CDH4: variants seen among roughly 807,000 people sequenced by gnomAD.
The protein encoded by CDH4 is cadherin 4, also known as cadherin-4.
Under a neutral mutation model 86.0 loss-of-function variants are expected in CDH4, and 33 were observed. The ratio of observed to expected loss-of-function variants is 0.38; its 90% CI spans 0.29 to 0.51. The LOEUF (loss-of-function observed/expected upper bound fraction) is 0.51. Among genes scored for constraint, CDH4 ranks in the 20% least tolerant of loss-of-function variants. The pLI is 0.86. For missense variants in CDH4, 1,114 were observed against 1,307.4 expected, an observed-to-expected ratio of 0.85 and a Z score of 2.28; for synonymous variants, 555 against 549.4, an observed-to-expected ratio of 1.01 and a Z score of -0.14.
intron 2 of CDH4, among the ~76,000 whole-genome samples, chr20:61,586,264 G>A (rs555959243): frequency 6.6e-6 from 1 of 152,260 alleles, no homozygotes; most frequent in South Asian, 2.1e-4. Flanking sequence ...TCATGGTGAT[G>A]GTGGTGATGG....
At chr20:61,448,349 G>A (rs1447216020) in intron 2 of CDH4, among the ~76,000 whole-genome samples, 1 of 152,210 alleles carries the variant, frequency 6.6e-6, no homozygotes, top group African/African-American at 2.4e-5. Flanking sequence ...TTATGCGAAC[G>A]TTTTATGAGC....
At chr20:61,511,874 ATGGGTATAC>A (rs1287938204) in intron 2 of CDH4, among the ~76,000 whole-genome samples, 1 of 152,078 alleles carries the variant, frequency 6.6e-6, no homozygotes, top group Non-Finnish European at 1.5e-5. Flanking sequence ...ATTTTTTTCC[ATGGGTATAC>A]TGTAGAATAA....
chr20:61,724,647 TGGG>T (rs1282026839), intron 2 of CDH4, among the ~76,000 whole-genome samples: 1 of 152,184 alleles, frequency 6.6e-6, no homozygotes, highest in East Asian at 1.9e-4. Context: ...GCTGTCCACT[TGGG>T]GGCAGCAGTC....
At position 61,547,503 on chromosome 20, in the gene CDH4, C is replaced by T. The variant is rs185807415; in HGVS notation, c.170-196060C>T. On this transcript the variant is annotated intron_variant, in intron 2 of 15. Transcript: ENST00000614565. ...TGCTGGGATTACAGGCATGAGCCAC[C>T]GTGCCCAGCCCAGAGTACTTTCTGC... Among the ~76,000 whole-genome samples, 263 of 149,680 alleles carry T rather than the reference C, an allele frequency of 1.8e-3. 1 individual carries two copies. The highest frequency in any genetic ancestry group is 6.1e-3 in the African/African-American group (249 of 40,992).
At chr20:61,537,277 C>T (rs554820386) in intron 2 of CDH4, among the ~76,000 whole-genome samples, 122 of 122,964 alleles carry the variant, frequency 9.9e-4, no homozygotes, top group African/African-American at 6.7e-3. Flanking sequence ...ATTTGAAATC[C>T]GACATTTTAC....
chr20:61,667,264 C>T (rs565553879), intron 2 of CDH4, among the ~76,000 whole-genome samples: 24 of 152,318 alleles, frequency 1.6e-4, no homozygotes, highest in Middle Eastern at 3.4e-3. Flanking sequence ...AACAGTCGGC[C>T]GGGATGGCCC....
At chr20:61,680,829 CCT>C (rs1338293390) in intron 2 of CDH4, among the ~76,000 whole-genome samples, 3 of 152,168 alleles carry the variant, frequency 2.0e-5, no homozygotes, top group Admixed American at 6.5e-5. Flanking sequence ...TGAGTTCCCC[CCT>C]GTGTCTTCTT....
intron 7 of CDH4, among the ~76,000 whole-genome samples, chr20:61,893,062 T>G (rs1028557839): frequency 2.4e-4 from 32 of 132,642 alleles, no homozygotes; most frequent in Admixed American, 2.3e-4. Context: ...AATAGAGAGA[T>G]AGATGGATGG....
At chr20:61,306,579 C>T (rs1156667322) in intron 2 of CDH4, among the ~76,000 whole-genome samples, 1 of 152,170 alleles carries the variant, frequency 6.6e-6, no homozygotes, top group African/African-American at 2.4e-5. Context: ...TTGTGATCCA[C>T]CTGCCTCAGC....
intron 9 of CDH4, among the ~76,000 whole-genome samples, chr20:61,915,029 C>T (rs995845577): frequency 6.6e-6 from 1 of 152,212 alleles, no homozygotes; most frequent in Non-Finnish European, 1.5e-5. Flanking sequence ...CGTTGGGCAC[C>T]GATACCAGGT....
intron 2 of CDH4, among the ~76,000 whole-genome samples, chr20:61,383,974 C>T (rs114734250): frequency 1.3e-5 from 2 of 151,652 alleles, no homozygotes; most frequent in Admixed American, 6.6e-5. Context: ...AGAGCCAGTT[C>T]GAGTTCCAAA....
At chr20:61,704,774 C>T (rs907125679) in intron 2 of CDH4, among the ~76,000 whole-genome samples, 8 of 152,252 alleles carry the variant, frequency 5.3e-5, no homozygotes, top group African/African-American at 1.4e-4. Flanking sequence ...AATGGGGTGG[C>T]GCCGCTCTGG....
intron 4 of CDH4, among the ~76,000 whole-genome samples, chr20:61,840,835 G>A (rs899354066): frequency 6.6e-6 from 1 of 152,258 alleles, no homozygotes; most frequent in African/African-American, 2.4e-5. Flanking sequence ...CTCAGAGCCC[G>A]TGGATGCACA....
At chr20:61,873,667 G>C in intron 6 of CDH4, 61 bp from the exon 7 acceptor site, 1 of 1,558,524 alleles carries the variant, frequency 6.4e-7, no homozygotes, top group Non-Finnish European at 8.7e-7. Context: ...GCCCAGGTGT[G>C]TGCGGGGGTG....
chr20:61,925,771 G>C (rs1395669845), intron 11 of CDH4, among the ~76,000 whole-genome samples: 1 of 152,214 alleles, frequency 6.6e-6, no homozygotes, highest in Non-Finnish European at 1.5e-5. Context: ...CATCCTGACT[G>C]TGCCACGGCA....
rs572379441 is a variant in CDH4 at position 61,454,033 on chromosome 20, T to C, written c.169+199096T>C. The stretch of plus-strand genomic sequence containing the variant: ...CTCCCCAGCCCTGTGGAACTGTGAG[T>C]CAATTAAACCTCTTTCTTTTATAAA... On this transcript the variant is annotated intron_variant, in intron 2 of 15. Transcript: ENST00000614565. Among the ~76,000 whole-genome samples, 6 of 152,272 alleles carry C rather than the reference T, an allele frequency of 3.9e-5. No individual in the cohort carries two copies. In the East Asian group the frequency reaches 1.2e-3, roughly 29 times the overall value.
intron 2 of CDH4, among the ~76,000 whole-genome samples, chr20:61,395,455 TAC>T (rs1480342796): frequency 2.6e-5 from 4 of 152,156 alleles, no homozygotes; most frequent in African/African-American, 9.7e-5. Flanking sequence ...GTATATGATA[TAC>T]CATGACATAA....
chr20:61,654,585 T>A (rs1415808471), intron 2 of CDH4, among the ~76,000 whole-genome samples: 1 of 152,264 alleles, frequency 6.6e-6, no homozygotes, highest in Non-Finnish European at 1.5e-5. Context: ...TCTTTTGTAA[T>A]TTATTCCACA....
intron 3 of CDH4, among the ~76,000 whole-genome samples, chr20:61,752,378 T>C (rs2088509256): frequency 6.7e-6 from 1 of 150,324 alleles, no homozygotes; most frequent in Admixed American, 6.6e-5. Context: ...AACATATATC[T>C]TAAAAATGAG....
Sources: allele counts gnomAD v4.1 joint callset (sites outside exome capture counted in the v4.1 genomes callset), GRCh38; gene constraint gnomAD v4.1.1; transcripts MANE v1.5; gene names NCBI Gene and HGNC (gene_info 2026-07-23, HGNC 2026-07-21).